LAT: variants seen among roughly 807,000 people sequenced by gnomAD.
LAT encodes linker for activation of T cells, also known as linker for activation of T-cells family member 1.
Under a neutral mutation model 39.1 loss-of-function variants are expected in LAT, and 12 were observed. The observed-to-expected ratio is 0.31, with a 90% CI of 0.20 to 0.50. The LOEUF (loss-of-function observed/expected upper bound fraction) is 0.50, where lower values mean the gene tolerates loss of function less well. Ranked by LOEUF, LAT falls within the 20% of genes least tolerant of loss-of-function variation. The probability of loss-of-function intolerance (pLI) is 0.98; values close to 1 mark genes in which losing one functional copy is unlikely to be tolerated. For synonymous variants in LAT, 117 were observed against 123.8 expected, an observed-to-expected ratio of 0.95 and a Z score of 0.36; for missense variants, 253 against 308.0, an observed-to-expected ratio of 0.82 and a Z score of 1.34.
intron 8 of LAT, chr16:28,987,702 C>CA (rs1965789539): frequency 2.6e-5 from 4 of 151,044 alleles, no homozygotes; most frequent in African/African-American, 9.9e-5. Flanking sequence ...TACTTCTTTT[C>CA]TTTCATTCAT....
chr16:28,986,786 C>T lies in LAT; in HGVS notation c.399-13C>T. On this transcript the variant is annotated splice_polypyrimidine_tract_variant and intron_variant, in intron 7 of 11. Transcript: ENST00000395456. This position sits in a 1 kb window ranked among gnomAD's most constrained non-coding sequence, Gnocchi z 5.7. ...TCCCCCCTTGCTCACCGGCCCTTTT[C>T]ACTTCCTTTCAGGGTGGTGCTTCCT... 3 of 1,613,230 alleles carry T rather than the reference C, an allele frequency of 1.9e-6. No individual in the cohort carries two copies. The highest frequency in any genetic ancestry group is 2.2e-5 in the East Asian group (1 of 44,870).
In LAT at chr16:28,986,750, G is replaced by A; in HGVS notation, c.398+36G>A. 1 of 1,610,258 alleles carries A rather than the reference G, an allele frequency of 6.2e-7. No homozygotes were observed. Among genetic ancestry groups the A allele is most frequent in the Non-Finnish European group, 8.5e-7 (1 of 1,177,564 alleles). ...AGGTGGGAGGTGGGAGGTGAGGGCT[G>A]AGGCTGTGCGTCCCCCCTTGCTCAC... On this transcript the variant is annotated intron_variant, in intron 7 of 11. Transcript: ENST00000395456. The surrounding 1 kb of genome is among the most constrained non-coding windows in gnomAD (Gnocchi z 5.7).
intron 8 of LAT, among the ~76,000 whole-genome samples, chr16:28,987,218 CTGAT>C (rs1965780487): frequency 6.6e-6 from 1 of 152,168 alleles, no homozygotes; most frequent in Non-Finnish European, 1.5e-5. Context: ...CCCTGTTCTT[CTGAT>C]TTTCTCAGCT....
Position 28,990,482 on chromosome 16 carries a change from G to A in LAT, c.*301G>A, listed in dbSNP as rs1436462999. 12 of 316,050 alleles carry A rather than the reference G, an allele frequency of 3.8e-5. No homozygotes were observed. Among genetic ancestry groups the A allele is most frequent in the Non-Finnish European group, 5.6e-5 (9 of 160,124 alleles). 19.6% of individuals were successfully genotyped at this position (316,050 alleles called of 1,614,324 possible). On this transcript the variant is annotated 3_prime_UTR_variant, in exon 12 of 12. Coordinates refer to ENST00000395456, the MANE Select transcript of LAT (RefSeq NM_001014987.2). Reference sequence around the variant, plus strand: ...CGTGCGTCTGTGTGTGCCTGTGTGCGAGTCTGAGTCAGAGATTTGGAGATG... The same window carrying A: ...CGTGCGTCTGTGTGTGCCTGTGTGCAAGTCTGAGTCAGAGATTTGGAGATG...
rs775773084 is a variant in LAT at position 28,986,167 on chromosome 16, C to T, written c.196C>T (p.Pro66Ser). The change falls in exon 4 of 12, where the codon CCT (proline) becomes TCT (serine). Residue 66 changes from proline to serine, a missense_variant. By Grantham distance (74) the Pro-to-Ser change is moderately conservative. Transcript: ENST00000395456. This position sits in a 1 kb window ranked among gnomAD's most constrained non-coding sequence, Gnocchi z 5.7. ...TGCCCCCTGGCCACCTGCCTACCCA[C>T]CTGTCACCTCCTACCCACCCCTGAG... The part of the protein sequence containing the change: ...TVAPWPPAYP[P>S]VTSYPPLSQP... The T allele has an allele frequency of 1.2e-6, 2 of 1,604,614 alleles. No homozygotes were observed. Among genetic ancestry groups the T allele is most frequent in the Non-Finnish European group, 1.7e-6 (2 of 1,175,080 alleles).
rs1965837201 is a variant in LAT, at chr16:28,989,979, T to C, written c.669T>C (p.Ala223=). 1.2e-6 allele frequency: 2 copies of C among 1,613,742 alleles called. No individual in the cohort carries two copies. The highest frequency in any genetic ancestry group is 4.5e-5 in the East Asian group (2 of 44,878). The change falls in exon 11 of 12, where the codon GCT becomes GCC. Residue 223 remains alanine (A), a synonymous_variant. Transcript: ENST00000395456. ...CAGAGGAAGTGGAGGAAGAGGGGGC[T>C]CCAGATTACGAGAATCTGCAGGAGC... ...QEAEEVEEEG[A]PDYENLQELN
Position 28,985,652 on chromosome 16 carries a change from T to G in LAT, c.101-61T>G. 5 of 1,611,700 alleles carry G rather than the reference T, an allele frequency of 3.1e-6. No individual in the cohort carries two copies. Among genetic ancestry groups the G allele is most frequent in the Non-Finnish European group, 4.2e-6 (5 of 1,178,388 alleles). Reference sequence around the variant, plus strand: ...CCCAGCGCCTCTGAGAGTCCCTGGATCCCAGCACCTTCTGCCCTAAGCACC... The same window carrying G: ...CCCAGCGCCTCTGAGAGTCCCTGGAGCCCAGCACCTTCTGCCCTAAGCACC... On this transcript the variant is annotated intron_variant, in intron 1 of 11. Transcript: ENST00000395456. The surrounding 1 kb of genome is among the most constrained non-coding windows in gnomAD (Gnocchi z 4.6).
Position 28,986,898 on chromosome 16 carries a change from G to T in LAT, c.493+5G>T. On this transcript the variant is annotated splice_donor_5th_base_variant and intron_variant, in intron 8 of 11. Coordinates refer to ENST00000395456, the MANE Select transcript of LAT (RefSeq NM_001014987.2). The surrounding 1 kb of genome is among the most constrained non-coding windows in gnomAD (Gnocchi z 5.7). ...TCCGAGACAGTGCCTTCTCCAGTGA[G>T]TCAGGCATTTGTTTTTATTTTTAAA... 1 of 1,612,078 alleles carries T rather than the reference G, an allele frequency of 6.2e-7. No homozygotes were observed. Among genetic ancestry groups the T allele is most frequent in the Non-Finnish European group, 8.5e-7 (1 of 1,178,584 alleles).
At position 28,986,192 on chromosome 16, in the gene LAT, G is replaced by C. The variant is rs1366490553; in HGVS notation, c.221G>C (p.Ser74Thr). The C allele has an allele frequency of 6.2e-7, 1 of 1,602,534 alleles. No individual in the cohort carries two copies. Among genetic ancestry groups the C allele is most frequent in the African/African-American group, 1.3e-5 (1 of 74,722 alleles). Residue 74 changes from serine (S) to threonine (T), a missense_variant, in exon 4 of 12, where the codon AGC becomes ACC. Transcript: ENST00000395456. This position sits in a 1 kb window ranked among gnomAD's most constrained non-coding sequence, Gnocchi z 5.7. ...YPPVTSYPPL[S>T]QPDLLPIPRS... Reference sequence around the variant, plus strand: ...CCTGTCACCTCCTACCCACCCCTGAGCCAGCCAGACCTGCTCCCCATCCCG... The same window carrying C: ...CCTGTCACCTCCTACCCACCCCTGACCCAGCCAGACCTGCTCCCCATCCCG...
At chr16:28,984,808 C>G (rs1965701438), upstream of LAT, 2 of 1,517,430 alleles carry the variant, frequency 1.3e-6, no homozygotes, top group Non-Finnish European at 1.8e-6. Context: ...CCTTTGTACC[C>G]CAGAATTCCC....
rs1341649726 is a variant in LAT, at chr16:28,990,323, CTTA to C, written c.*147_*149del. ...AACAGCCTGAGAAATCCCCCCGTAA[CTTA>C]TTATCACTTTGGGGTTCGGCCTGTG... is the stretch of plus-strand genomic sequence containing the variant. On this transcript the variant is annotated 3_prime_UTR_variant, in exon 12 of 12. Coordinates refer to ENST00000395456, the MANE Select transcript of LAT (RefSeq NM_001014987.2). The C allele has an allele frequency of 1.3e-5, 8 of 595,822 alleles. No homozygotes were observed. The East Asian group carries it at 2.8e-4, about 21-fold the overall frequency. 36.9% of individuals were successfully genotyped at this position (595,822 alleles called of 1,614,324 possible). A position where few individuals can be genotyped will look rare whatever the true frequency, so the allele number is the denominator to read the frequency against.
intron 8 of LAT, among the ~76,000 whole-genome samples, chr16:28,987,111 G>A (rs893484846): frequency 6.6e-6 from 1 of 152,120 alleles, no homozygotes; most frequent in African/African-American, 2.4e-5. Context: ...GTCTCACTAT[G>A]TTGCCCAGGC....
chr16:28,989,682 A>ACCCTCTGCC lies in LAT; in HGVS notation c.557-84_557-76dup, dbSNP rs1965830386. On this transcript the variant is annotated intron_variant, in intron 9 of 11. Transcript: ENST00000395456. ...CAGATCCCACCCTGGGGCTACCCAC[A>ACCCTCTGCC]CCCTCTGCCCCCTCTGTCTGGGCGT... 60 of 1,584,798 alleles carry ACCCTCTGCC rather than the reference A, an allele frequency of 3.8e-5. No individual in the cohort carries two copies. In the South Asian group the frequency reaches 6.2e-4, roughly 16 times the overall value.
In LAT at chr16:28,986,182, C is replaced by A; in HGVS notation, c.211C>A (p.Pro71Thr). The A allele has an allele frequency of 6.2e-7, 1 of 1,603,562 alleles. No individual in the cohort carries two copies. Among genetic ancestry groups the A allele is most frequent in the Non-Finnish European group, 8.5e-7 (1 of 1,174,444 alleles). ...PPAYPPVTSY[P>T]PLSQPDLLPI... ...TGCCTACCCACCTGTCACCTCCTAC[C>A]CACCCCTGAGCCAGCCAGACCTGCT... The change falls in exon 4 of 12, where the codon CCA becomes ACA. Residue 71 changes from proline to threonine, a missense_variant. By Grantham distance (38) the Pro-to-Thr change is conservative (BLOSUM62 -1). Transcript: ENST00000395456. The surrounding 1 kb of genome is among the most constrained non-coding windows in gnomAD (Gnocchi z 5.7).
At chr16:28,989,404 G>C in intron 8 of LAT, 123 bp from the exon 9 acceptor site, 2 of 782,672 alleles carry the variant, frequency 2.6e-6, no homozygotes, top group South Asian at 3.5e-5. Context: ...GGGGGTGGCT[G>C]TGTGGGAAGC....
Position 28,985,306 on chromosome 16 carries a change from A to T in LAT, c.-112A>T. ...CGGGCTCCCCTGCCACCTGGTGCCT[A>T]CCTGCCCCCTGCTCCCTGCCGGGTC... On this transcript the variant is annotated 5_prime_UTR_variant, in exon 1 of 12. Coordinates refer to ENST00000395456, the MANE Select transcript of LAT (RefSeq NM_001014987.2). This position sits in a 1 kb window ranked among gnomAD's most constrained non-coding sequence, Gnocchi z 4.6. 6.6e-7 allele frequency: 1 copy of T among 1,516,750 alleles called. No homozygotes were observed. Among genetic ancestry groups the T allele is most frequent in the Non-Finnish European group, 8.8e-7 (1 of 1,131,314 alleles). The allele number at this position is 1,516,750 out of a possible 1,614,324, so 94.0% of individuals were successfully genotyped here. A position where few individuals can be genotyped will look rare whatever the true frequency, so the allele number is the denominator to read the frequency against.
upstream of LAT, chr16:28,984,911 G>A (rs553724434): frequency 1.2e-5 from 18 of 1,547,014 alleles, no homozygotes; most frequent in African/African-American, 2.7e-5. Flanking sequence ...GTCTTGGGGG[G>A]GGCCAGCAGA....
At position 28,989,768 on chromosome 16, in the gene LAT, C is replaced by T. The variant is rs1323484403; in HGVS notation, c.557-6C>T. On this transcript the variant is annotated splice_polypyrimidine_tract_variant and splice_region_variant and intron_variant, in intron 9 of 11. Transcript: ENST00000395456. ...GGCTGCCCCTCCTTCTGATCTGTCCCCACAGATGGCAGCCGGGAGTATGTG... is the reference window on the plus strand; with the variant it reads ...GGCTGCCCCTCCTTCTGATCTGTCCTCACAGATGGCAGCCGGGAGTATGTG... The T allele has an allele frequency of 4.3e-6, 7 of 1,614,114 alleles. No individual in the cohort carries two copies. Among genetic ancestry groups the T allele is most frequent in the Middle Eastern group, 1.6e-4 (1 of 6,062 alleles).
Position 28,989,588 on chromosome 16 carries a change from G to T in LAT, c.555G>T (p.Leu185=), listed in dbSNP as rs946668388. 6.2e-7 allele frequency: 1 copy of T among 1,609,962 alleles called. No individual in the cohort carries two copies. The highest frequency in any genetic ancestry group is 2.2e-5 in the East Asian group (1 of 44,844). ...PESGESAEAS[L]DGSREYVNVS... is the part of the protein sequence containing the mutation. ...GCGGGGAGAGCGCAGAAGCGTCTCT[G>T]GGTGAGTGACCGGTGCTTGTCGGTG... is the stretch of plus-strand genomic sequence containing the variant. The change falls in exon 9 of 12, where the codon CTG becomes CTT. Residue 185 remains leucine (L), a splice_region_variant and synonymous_variant. Transcript: ENST00000395456.
Sources: allele counts gnomAD v4.1 joint callset (sites outside exome capture counted in the v4.1 genomes callset), GRCh38; gene constraint gnomAD v4.1.1; non-coding constraint Gnocchi (gnomAD v3.1); transcripts MANE v1.5; gene names NCBI Gene and HGNC (gene_info 2026-07-23, HGNC 2026-07-21).